PARP1: variants seen among roughly 807,000 people sequenced by gnomAD.
PARP1 encodes the protein poly(ADP-ribose) polymerase 1, also known as poly [ADP-ribose] polymerase 1.
In PARP1, 44 loss-of-function variants were observed where a neutral mutation model predicts 118.7. The observed-to-expected ratio is 0.37, with a 90% CI of 0.29 to 0.48. PARP1 has a LOEUF of 0.48. Ranked by LOEUF, PARP1 falls within the 20% of genes least tolerant of loss-of-function variation. PARP1 has a pLI of 0.99. For missense variants in PARP1, 1,100 were observed against 1,272.4 expected, an observed-to-expected ratio of 0.86 and a Z score of 2.06; for synonymous variants, 492 against 483.2, an observed-to-expected ratio of 1.02 and a Z score of -0.24.
At chr1:226,364,292 A>G (rs1035132594) in intron 19 of PARP1, 1 of 528,072 alleles carries the variant, frequency 1.9e-6, no homozygotes, top group Non-Finnish European at 3.6e-6. Context: ...GAAGCTACGT[A>G]ACCTCTCTGG....
At chr1:226,395,538 G>C (rs968037749) in intron 2 of PARP1, among the ~76,000 whole-genome samples, 1 of 151,968 alleles carries the variant, frequency 6.6e-6, no homozygotes, top group Non-Finnish European at 1.5e-5. Context: ...CCAGCTACTC[G>C]GGAGGCTGAG....
chr1:226,377,257 TACCGATC>T lies in PARP1; in HGVS notation c.1785_1791del (p.Ile596AlafsTer18). 6.2e-7 allele frequency: 1 copy of T among 1,614,130 alleles called. No individual in the cohort carries two copies. The highest frequency in any genetic ancestry group is 1.1e-5 in the South Asian group (1 of 91,066). On this transcript the variant is annotated frameshift_variant, in exon 13 of 23. Coordinates refer to ENST00000366794, the MANE Select transcript of PARP1 (RefSeq NM_001618.4). LOFTEE classifies it high-confidence loss of function. ...GACGGCATCTGTTCCAGTTTGTTGCTACCGATCACCGTACCCACACGGCCCCAGGACC... is the reference window on the plus strand; with the variant it reads ...GACGGCATCTGTTCCAGTTTGTTGCTACCGTACCCACACGGCCCCAGGACC...
chr1:226,382,168 C>T (rs905098548), intron 8 of PARP1, among the ~76,000 whole-genome samples: 3 of 152,222 alleles, frequency 2.0e-5, no homozygotes, highest in Non-Finnish European at 4.4e-5. Context: ...CCTCATCCTC[C>T]ACCCACCAAA....
chr1:226,401,695 C>T (rs3219031), intron 2 of PARP1, among the ~76,000 whole-genome samples: 35,268 of 152,020 alleles, frequency 0.23, 4,972 homozygotes, highest in African/African-American at 0.39. Flanking sequence ...CTTAAGGGGG[C>T]TGCAGAAGGG....
rs1041868497 is a variant in PARP1 at position 226,388,755 on chromosome 1, T to A, written c.618A>T (p.Gly206=). Residue 206 remains glycine (G), a splice_region_variant and synonymous_variant, in exon 5 of 23, where the codon GGA becomes GGT. Coordinates refer to ENST00000366794, the MANE Select transcript of PARP1 (RefSeq NM_001618.4). The part of the protein sequence containing the change: ...KKQLPGVKSE[G]KRKGDEVDGV... Reference sequence around the variant, plus strand: ...CATCCACCTCATCGCCTTTTCTCTTTCTGAAGGAGACACAGGATATGAGAG... The same window carrying A: ...CATCCACCTCATCGCCTTTTCTCTTACTGAAGGAGACACAGGATATGAGAG... The A allele has an allele frequency of 6.2e-7, 1 of 1,611,764 alleles. No individual in the cohort carries two copies. Among genetic ancestry groups the A allele is most frequent in the Non-Finnish European group, 8.5e-7 (1 of 1,177,968 alleles).
intron 13 of PARP1, among the ~76,000 whole-genome samples, chr1:226,374,887 A>G (rs1297932688): frequency 6.6e-6 from 1 of 152,208 alleles, no homozygotes; most frequent in Non-Finnish European, 1.5e-5. Flanking sequence ...GTGTTAAAGC[A>G]CATCGTAGCA....
chr1:226,390,615 G>A lies in PARP1; in HGVS notation c.412C>T (p.Arg138Cys), dbSNP rs193238922. The change falls in exon 4 of 23, where the codon CGC becomes TGC. Residue 138 changes from arginine (R) to cysteine (C), a missense_variant. By Grantham distance (180) the Arg-to-Cys change is radical. Coordinates refer to ENST00000366794, the MANE Select transcript of PARP1 (RefSeq NM_001618.4). ...GGGTCCACCATCTTCTTGGACAGGC[G>A]CACCTGGCCCTGCAGGAAAAACCAT... ...CMEKIEKGQV[R>C]LSKKMVDPEK... is the part of the protein sequence containing the mutation. 4 of 1,613,968 alleles carry A rather than the reference G, an allele frequency of 2.5e-6. No individual in the cohort carries two copies. Among genetic ancestry groups the A allele is most frequent in the African/African-American group, 1.3e-5 (1 of 75,044 alleles).
chr1:226,395,911 G>A (rs1205501196), intron 2 of PARP1, among the ~76,000 whole-genome samples: 1 of 152,208 alleles, frequency 6.6e-6, no homozygotes, highest in Non-Finnish European at 1.5e-5. Context: ...GCGGTCATGA[G>A]GGGCAGGGAG....
chr1:226,375,952 G>C (rs376669937), intron 13 of PARP1, among the ~76,000 whole-genome samples: 1 of 152,050 alleles, frequency 6.6e-6, no homozygotes, highest in South Asian at 2.1e-4. Flanking sequence ...GGTTAATTCC[G>C]GGCAATCTTA....
Position 226,365,028 on chromosome 1 carries a change from G to A in PARP1, c.2632C>T (p.Arg878Trp), listed in dbSNP as rs746139482. The A allele has an allele frequency of 2.5e-6, 4 of 1,614,020 alleles. No homozygotes were observed. The highest frequency in any genetic ancestry group is 2.7e-5 in the African/African-American group (2 of 74,940). The change falls in exon 19 of 23, where the codon CGG becomes TGG. Residue 878 changes from arginine (R) to tryptophan (W), a missense_variant. Physicochemically the swap from Arg to Trp is moderately radical, Grantham distance 101 (BLOSUM62 -3). Transcript: ENST00000366794. Reference sequence around the variant, plus strand: ...ACGGGCGCTTCAGGCGGGGCTATCCGAAGACCCTGGGACAGGATCCCAGCA... The same window carrying A: ...ACGGGCGCTTCAGGCGGGGCTATCCAAAGACCCTGGGACAGGATCCCAGCA... ...NFAGILSQGL[R>W]IAPPEAPVTG...
At position 226,366,230 on chromosome 1, in the gene PARP1, C is replaced by G. The variant is rs965860740; in HGVS notation, c.2407-178G>C. On this transcript the variant is annotated intron_variant, in intron 17 of 22. Coordinates refer to ENST00000366794, the MANE Select transcript of PARP1 (RefSeq NM_001618.4). ...GGCAGATCCTGGGCCAGTGGCTCCA[C>G]TTACCTAAGCCTCCACCTCTTCATC... The G allele has an allele frequency of 3.2e-5, 20 of 634,748 alleles. No individual in the cohort carries two copies. In the Admixed American group the frequency reaches 4.5e-4, roughly 14 times the overall value. The allele number at this position is 634,748 out of a possible 1,614,324, so 39.3% of individuals were successfully genotyped here.
Position 226,379,162 on chromosome 1 carries a change from C to T in PARP1, c.1725G>A (p.Leu575=), listed in dbSNP as rs754548556. 6.2e-7 allele frequency: 1 copy of T among 1,614,238 alleles called. No individual in the cohort carries two copies. Among genetic ancestry groups the T allele is most frequent in the Non-Finnish European group, 8.5e-7 (1 of 1,180,036 alleles). ...GTNSYYKLQL[L]EDDKENRYWI... ...CTCACCTGTTTTCCTTGTCGTCCTC[C>T]AGAAGCTGCAGCTTGTAGTAGGAGT... is the stretch of plus-strand genomic sequence containing the variant. Residue 575 remains leucine (L), a synonymous_variant, in exon 12 of 23, where the codon CTG becomes CTA. Coordinates refer to ENST00000366794, the MANE Select transcript of PARP1 (RefSeq NM_001618.4).
chr1:226,374,474 C>T, intron 13 of PARP1, 120 bp from the exon 14 acceptor site: 8 of 1,166,416 alleles, frequency 6.9e-6, no homozygotes, highest in Non-Finnish European at 1.0e-5. Context: ...GCAAAAAAAG[C>T]TGAGTGTTAA....
At chr1:226,368,162 C>T in intron 16 of PARP1, 37 bp downstream of exon 16, 1 of 1,613,762 alleles carries the variant, frequency 6.2e-7, no homozygotes, top group Non-Finnish European at 8.5e-7. Flanking sequence ...CACCCCAGCC[C>T]AGCAGACCTG....
intron 5 of PARP1, among the ~76,000 whole-genome samples, chr1:226,387,868 C>T (rs1183561251): frequency 1.3e-5 from 2 of 152,214 alleles, no homozygotes; most frequent in East Asian, 3.8e-4. Context: ...TGGTGCATGA[C>T]AGACACTTTT....
intron 18 of PARP1, 62 bp from the exon 19 acceptor site, chr1:226,365,216 A>G: frequency 1.9e-6 from 3 of 1,563,058 alleles, no homozygotes; most frequent in Admixed American, 3.3e-5. Flanking sequence ...TGGTTGACTG[A>G]AAGACAGGAC....
intron 19 of PARP1, chr1:226,364,368 A>G: frequency 2.6e-6 from 1 of 385,612 alleles, no homozygotes; most frequent in Non-Finnish European, 5.0e-6. Flanking sequence ...GGACGGAATG[A>G]GCTCATCAGT....
chr1:226,384,721 A>G (rs1340667588), intron 7 of PARP1, among the ~76,000 whole-genome samples: 1 of 152,244 alleles, frequency 6.6e-6, no homozygotes, highest in Non-Finnish European at 1.5e-5. Context: ...GGGATCATGC[A>G]ATCATGGCAG....
chr1:226,367,710 G>T, intron 16 of PARP1, 102 bp from the exon 17 acceptor site: 2 of 1,345,570 alleles, frequency 1.5e-6, no homozygotes, highest in Non-Finnish European at 2.1e-6. Flanking sequence ...GTCCAACACA[G>T]TGAATGGCAA....
Sources: allele counts gnomAD v4.1 joint callset (sites outside exome capture counted in the v4.1 genomes callset), GRCh38; gene constraint gnomAD v4.1.1; transcripts MANE v1.5; gene names NCBI Gene and HGNC (gene_info 2026-07-23, HGNC 2026-07-21).